Variants in NKAIN3 observed in about 807,000 individuals in gnomAD.
NKAIN3 encodes sodium/potassium-transporting ATPase subunit beta-1-interacting protein 3.
A neutral mutation model predicts 30.2 loss-of-function variants in NKAIN3; 25 were observed. The ratio of observed to expected loss-of-function variants is 0.83; its 90% CI spans 0.60 to 1.16. The LOEUF (loss-of-function observed/expected upper bound fraction) is 1.16, where lower values mean the gene tolerates loss of function less well. Ranked by LOEUF, NKAIN3 falls within the 50% of genes most tolerant of loss-of-function variation. The probability of loss-of-function intolerance (pLI) is 0.00; values close to 1 mark genes in which losing one functional copy is unlikely to be tolerated. For synonymous variants in NKAIN3, 91 were observed against 89.6 expected (o/e 1.02, Z -0.09); for missense variants, 225 against 254.1 (o/e 0.89, Z 0.78).
intron 4 of NKAIN3, among the ~76,000 whole-genome samples, chr8:62,805,287 A>G (rs1818234018): frequency 6.6e-6 from 1 of 151,972 alleles, no homozygotes; most frequent in Non-Finnish European, 1.5e-5. Context: ...TCTTCACAGA[A>G]TTGGAAAAAA....
At chr8:62,702,133 C>T (rs1039512278) in intron 3 of NKAIN3, among the ~76,000 whole-genome samples, 4 of 152,126 alleles carry the variant, frequency 2.6e-5, no homozygotes, top group African/African-American at 9.7e-5. Context: ...TGACCTGCAA[C>T]CAAAGGATGC....
chr8:62,619,657 G>C (rs192063903), intron 3 of NKAIN3, among the ~76,000 whole-genome samples: 3 of 150,546 alleles, frequency 2.0e-5, no homozygotes, highest in Admixed American at 2.0e-4. Flanking sequence ...ACAGGCCATG[G>C]TCACTGATAT....
At chr8:62,271,546 G>A (rs7017975) in intron 1 of NKAIN3, among the ~76,000 whole-genome samples, 90,149 of 151,932 alleles carry the variant, frequency 0.59, 26,997 homozygotes, top group East Asian at 0.68. Flanking sequence ...ATAATATAAT[G>A]TCTTCCTTAC....
intron 1 of NKAIN3, among the ~76,000 whole-genome samples, chr8:62,375,181 C>A (rs1817035241): frequency 6.6e-6 from 1 of 152,146 alleles, no homozygotes; most frequent in Non-Finnish European, 1.5e-5. Flanking sequence ...CATAAGCATG[C>A]CATTTAAACT....
At chr8:62,927,547 T>G (rs1822487399) in intron 5 of NKAIN3, among the ~76,000 whole-genome samples, 1 of 152,220 alleles carries the variant, frequency 6.6e-6, no homozygotes, top group South Asian at 2.1e-4. Context: ...TACACTGATT[T>G]GATCTTTGCA....
intron 4 of NKAIN3, among the ~76,000 whole-genome samples, chr8:62,794,262 C>T (rs1471510): frequency 0.77 from 116,621 of 152,062 alleles, 44,984 homozygotes; most frequent in Admixed American, 0.82. Context: ...TTTAACATGT[C>T]CAGATTCTAG....
At chr8:62,542,140 C>T (rs930950678) in intron 1 of NKAIN3, among the ~76,000 whole-genome samples, 2 of 152,168 alleles carry the variant, frequency 1.3e-5, no homozygotes, top group African/African-American at 4.8e-5. Flanking sequence ...TGTTCTGGAA[C>T]CACATCTGGG....
At chr8:62,916,353 T>A (rs566516707) in intron 4 of NKAIN3, among the ~76,000 whole-genome samples, 2 of 152,332 alleles carry the variant, frequency 1.3e-5, no homozygotes, top group East Asian at 3.9e-4. Flanking sequence ...ACTTGGGTCA[T>A]AAGAGTATAA....
intron 1 of NKAIN3, among the ~76,000 whole-genome samples, chr8:62,273,254 G>A (rs1221575527): frequency 1.3e-5 from 2 of 152,142 alleles, no homozygotes; most frequent in Non-Finnish European, 2.9e-5. Context: ...CCAACCAGCT[G>A]AGAACCTCTT....
intron 1 of NKAIN3, among the ~76,000 whole-genome samples, chr8:62,302,021 C>A (rs185634180): frequency 2.8e-4 from 43 of 152,150 alleles, no homozygotes; most frequent in African/African-American, 1.0e-3. Flanking sequence ...TGAATGCCAT[C>A]CTTTAATTAA....
intron 1 of NKAIN3, among the ~76,000 whole-genome samples, chr8:62,390,357 T>C (rs566234189): frequency 2.6e-5 from 4 of 152,302 alleles, no homozygotes; most frequent in Admixed American, 6.5e-5. Flanking sequence ...CCAACCATGT[T>C]CCTGCAAAGG....
chr8:62,582,452 A>C (rs1810334322), intron 2 of NKAIN3, among the ~76,000 whole-genome samples: 1 of 152,114 alleles, frequency 6.6e-6, no homozygotes, highest in Admixed American at 6.5e-5. Context: ...ACTAGCCATG[A>C]GATGTCTAAT....
intron 3 of NKAIN3, among the ~76,000 whole-genome samples, chr8:62,683,605 G>T (rs1485985162): frequency 6.6e-6 from 1 of 152,148 alleles, no homozygotes; most frequent in Non-Finnish European, 1.5e-5. Flanking sequence ...CACACTTGCT[G>T]GGTGAGCTTC....
At chr8:62,793,995 C>A (rs2883014) in intron 4 of NKAIN3, among the ~76,000 whole-genome samples, 11,110 of 152,230 alleles carry the variant, frequency 0.073, 400 homozygotes, top group Non-Finnish European at 0.08. Flanking sequence ...ACAGTCATTT[C>A]TTTTCTACCT....
chr8:62,915,374 G>A (rs988352699), intron 4 of NKAIN3, among the ~76,000 whole-genome samples: 4 of 152,262 alleles, frequency 2.6e-5, no homozygotes, highest in Non-Finnish European at 2.9e-5. Context: ...GGGGAGGAAG[G>A]ACCAGGGAGA....
At chr8:62,954,539 G>A (rs544372960) in intron 6 of NKAIN3, among the ~76,000 whole-genome samples, 4 of 152,294 alleles carry the variant, frequency 2.6e-5, no homozygotes, top group Admixed American at 1.3e-4. Context: ...GACATGAAAG[G>A]AAGTCAGCAA....
intron 1 of NKAIN3, among the ~76,000 whole-genome samples, chr8:62,294,898 G>T (rs1197167332): frequency 1.3e-5 from 2 of 152,066 alleles, no homozygotes; most frequent in African/African-American, 4.8e-5. Context: ...TTCTAGAGAG[G>T]ACTCAACACT....
At chr8:62,590,543 A>G (rs1304744394) in intron 3 of NKAIN3, among the ~76,000 whole-genome samples, 1 of 151,940 alleles carries the variant, frequency 6.6e-6, no homozygotes, top group African/African-American at 2.4e-5. Context: ...ACAGTATTAC[A>G]AAAAGTATAA....
intron 5 of NKAIN3, among the ~76,000 whole-genome samples, chr8:62,939,473 C>G (rs1486507496): frequency 1.3e-5 from 2 of 152,174 alleles, no homozygotes; most frequent in East Asian, 3.9e-4. Context: ...AAAGTCAACA[C>G]AAAGGAAAGA....
Sources: allele counts gnomAD v4.1 joint callset (sites outside exome capture counted in the v4.1 genomes callset), GRCh38; gene constraint gnomAD v4.1.1; transcripts MANE v1.5; gene names NCBI Gene and HGNC (gene_info 2026-07-23, HGNC 2026-07-21).